Variants in DCAF17 observed in about 807,000 individuals in gnomAD.
The protein encoded by DCAF17 is DDB1- and CUL4-associated factor 17.
A neutral mutation model predicts 66.0 loss-of-function variants in DCAF17; 48 were observed. The observed-to-expected ratio is 0.73, with a 90% CI of 0.58 to 0.92. DCAF17 has a LOEUF of 0.92. Among genes scored for constraint, DCAF17 ranks in the 40% least tolerant of loss-of-function variants. DCAF17 has a pLI of 0.00. For missense variants in DCAF17, 562 were observed against 622.8 expected, an observed-to-expected ratio of 0.90 and a Z score of 1.04; for synonymous variants, 206 against 214.6, an observed-to-expected ratio of 0.96 and a Z score of 0.35.
At position 171,448,899 on chromosome 2, in the gene DCAF17, CCT is replaced by C. The variant is rs1694793082; in HGVS notation, c.458+83_458+84del. 7 of 1,326,140 alleles carry C rather than the reference CCT, an allele frequency of 5.3e-6. No homozygotes were observed. In the East Asian group the frequency reaches 1.7e-4, roughly 31 times the overall value. 82.1% of individuals were successfully genotyped at this position (1,326,140 alleles called of 1,614,324 possible). A position where few individuals can be genotyped will look rare whatever the true frequency, so the allele number is the denominator to read the frequency against. ...CCCATGAAATTTCAAGCCTTTTTTC[CCT>C]GTCAGTTTTCTAATCCATTACCAGA... On this transcript the variant is annotated intron_variant, in intron 4 of 13. Coordinates refer to ENST00000375255, the MANE Select transcript of DCAF17 (RefSeq NM_025000.4).
chr2:171,453,290 G>C (rs1318828281), intron 6 of DCAF17, 77 bp downstream of exon 6: 1 of 1,139,044 alleles, frequency 8.8e-7, no homozygotes, highest in African/African-American at 1.6e-5. Context: ...TTATTTATGA[G>C]ATATTTGATT....
chr2:171,477,087 A>G (rs937370373), intron 11 of DCAF17, 137 bp downstream of exon 11: 58 of 677,508 alleles, frequency 8.6e-5, no homozygotes, highest in Non-Finnish European at 1.1e-4. Context: ...TTTTGTCTAC[A>G]TGGGTAGCCA....
chr2:171,453,721 A>G (rs961949079), intron 6 of DCAF17, among the ~76,000 whole-genome samples: 3 of 152,118 alleles, frequency 2.0e-5, no homozygotes, highest in African/African-American at 7.2e-5. Context: ...GGAAAGAAGG[A>G]GCAAATTTCC....
intron 5 of DCAF17, among the ~76,000 whole-genome samples, chr2:171,451,040 A>G (rs904225923): frequency 6.6e-6 from 1 of 151,500 alleles, no homozygotes; most frequent in African/African-American, 2.4e-5. Flanking sequence ...GAACTCTAGC[A>G]TTAAAAAAAA....
intron 6 of DCAF17, among the ~76,000 whole-genome samples, chr2:171,457,523 G>A (rs147774209): frequency 0.015 from 2,234 of 152,216 alleles, 34 homozygotes; most frequent in Admixed American, 0.025. Flanking sequence ...ACTATCCAGG[G>A]GCTGGGCACC....
chr2:171,453,034 C>G, intron 5 of DCAF17, 90 bp from the exon 6 acceptor site: 1 of 889,474 alleles, frequency 1.1e-6, no homozygotes, highest in Non-Finnish European at 1.8e-6. Flanking sequence ...TAACTACATG[C>G]TAGAACAGAT....
At chr2:171,454,249 T>C (rs1469636567) in intron 6 of DCAF17, among the ~76,000 whole-genome samples, 1 of 151,870 alleles carries the variant, frequency 6.6e-6, no homozygotes, top group Non-Finnish European at 1.5e-5. Flanking sequence ...TTAAAACAGA[T>C]TGGCTACTTT....
In DCAF17 at chr2:171,473,864, A is replaced by C. The variant is rs780493577; in HGVS notation, c.982-2A>C. The stretch of plus-strand genomic sequence containing the variant: ...GTCTTTAATACTTTTTTCCAACTTC[A>C]GGCAAAAAATGGGATCCAAGAAATG... On this transcript the variant is annotated splice_acceptor_variant, in intron 9 of 13. Transcript: ENST00000375255. LOFTEE classifies it high-confidence loss of function. 4 of 1,611,348 alleles carry C rather than the reference A, an allele frequency of 2.5e-6. No homozygotes were observed. In the Admixed American group the frequency reaches 6.7e-5, roughly 27 times the overall value.
chr2:171,476,044 A>G (rs1360951667), intron 10 of DCAF17, among the ~76,000 whole-genome samples: 1 of 152,180 alleles, frequency 6.6e-6, no homozygotes, highest in Non-Finnish European at 1.5e-5. Flanking sequence ...TATTGCCACT[A>G]AAAAAACTAA....
At chr2:171,461,756 A>G (rs1695598792) in intron 8 of DCAF17, among the ~76,000 whole-genome samples, 1 of 152,236 alleles carries the variant, frequency 6.6e-6, no homozygotes, top group Admixed American at 6.5e-5. Context: ...ACTACAGTCA[A>G]GATTTAGAAT....
intron 1 of DCAF17, 88 bp downstream of exon 1, chr2:171,434,791 G>A: frequency 1.4e-6 from 2 of 1,389,444 alleles, no homozygotes; most frequent in Non-Finnish European, 1.8e-6. Context: ...AACGCGCTGG[G>A]GCCTCCCTTT....
chr2:171,468,019 T>C (rs968159568), intron 8 of DCAF17, among the ~76,000 whole-genome samples: 7 of 152,180 alleles, frequency 4.6e-5, no homozygotes, highest in Admixed American at 1.3e-4. Context: ...AAGGCAGTCA[T>C]AGGTTAGCCA....
intron 8 of DCAF17, among the ~76,000 whole-genome samples, chr2:171,467,086 CT>C (rs780029249): frequency 2.6e-5 from 4 of 151,990 alleles, no homozygotes; most frequent in Non-Finnish European, 5.9e-5. Context: ...CCTGTCTCTT[CT>C]TTTTCCTCAA....
At chr2:171,448,373 C>A (rs1438897096) in intron 3 of DCAF17, among the ~76,000 whole-genome samples, 1 of 151,748 alleles carries the variant, frequency 6.6e-6, no homozygotes, top group Non-Finnish European at 1.5e-5. Context: ...ACAGAGGTAG[C>A]ATCATTGTCT....
chr2:171,477,718 G>A (rs1281825025), intron 11 of DCAF17, among the ~76,000 whole-genome samples: 1 of 151,914 alleles, frequency 6.6e-6, no homozygotes, highest in Non-Finnish European at 1.5e-5. Context: ...CTTGAGCCTG[G>A]GAGGCAGAGG....
rs962019492 is a variant in DCAF17, at chr2:171,484,840, A to G, written c.*3726A>G. 2.9e-5 allele frequency: 13 copies of G among 453,924 alleles called. No homozygotes were observed. Among genetic ancestry groups the G allele is most frequent in the Non-Finnish European group, 4.4e-5 (10 of 226,778 alleles). The allele number at this position is 453,924 out of a possible 1,614,324, so 28.1% of individuals were successfully genotyped here. ...CTAAACTTCATATGAGTGAAATTAT[A>G]CAAAATGTAATGCTTCTTTCACTTA... On this transcript the variant is annotated 3_prime_UTR_variant, in exon 14 of 14. Coordinates refer to ENST00000375255, the MANE Select transcript of DCAF17 (RefSeq NM_025000.4).
In DCAF17 at chr2:171,443,539, A is replaced by G; in HGVS notation, c.247A>G (p.Arg83Gly). Residue 83 changes from arginine (R) to glycine (G), a missense_variant, in exon 3 of 14, where the codon AGA becomes GGA. Arg to Gly is a moderately radical substitution (Grantham distance 125). Coordinates refer to ENST00000375255, the MANE Select transcript of DCAF17 (RefSeq NM_025000.4). The part of the protein sequence containing the change: ...RCVSSVASEP[R>G]KLYEMPKCSK... ...TTTTCCCAGTGTTGCATCTGAGCCA[A>G]GAAAACTTTATGAAATGCCAAAATG... The G allele has an allele frequency of 6.2e-7, 1 of 1,612,826 alleles. No homozygotes were observed. The highest frequency in any genetic ancestry group is 8.5e-7 in the Non-Finnish European group (1 of 1,179,336).
chr2:171,470,170 C>T (rs912259040), intron 9 of DCAF17, among the ~76,000 whole-genome samples: 1 of 152,044 alleles, frequency 6.6e-6, no homozygotes, highest in Non-Finnish European at 1.5e-5. Context: ...ACTATAGGAG[C>T]GCACCACCAT....
chr2:171,453,666 T>G lies in DCAF17; in HGVS notation c.627+453T>G, dbSNP rs561142552. On this transcript the variant is annotated intron_variant, in intron 6 of 13. Transcript: ENST00000375255. ...CCAATTCATTCAGTTTTGGGTTTTA[T>G]TGTTGTTCCCATTTGTTCTTGACTT... Among the ~76,000 whole-genome samples the G allele has an allele frequency of 2.0e-5, 3 of 152,194 alleles. No individual in the cohort carries two copies. The South Asian group carries it at 6.2e-4, about 32-fold the overall frequency.
Sources: gnomAD v4.1 joint callset for allele counts (sites outside exome capture counted in the v4.1 genomes callset) on GRCh38, gnomAD v4.1.1 for gene constraint, MANE v1.5 for transcripts, NCBI Gene and HGNC (gene_info 2026-07-23, HGNC 2026-07-21) for gene names.